The following TRDN variants were observed in gnomAD, a reference collection of about 807,000 sequenced individuals.
TRDN encodes the protein triadin, also known as triadin in skeletal muscle.
In TRDN, 161 loss-of-function variants were observed where a neutral mutation model predicts 149.7. The ratio of observed to expected loss-of-function variants is 1.08; its 90% CI spans 0.95 to 1.23. TRDN has a LOEUF of 1.23. Ranked by LOEUF, TRDN falls within the 50% of genes most tolerant of loss-of-function variation. The pLI, the probability that TRDN is intolerant of heterozygous loss-of-function variation, is 0.00. For synonymous variants in TRDN, 294 were observed against 250.5 expected (o/e 1.17, Z -1.64); for missense variants, 896 against 823.5 (o/e 1.09, Z -1.08).
chr6:123,366,578 C>T (rs6916890), intron 19 of TRDN, among the ~76,000 whole-genome samples: 18,940 of 151,866 alleles, frequency 0.12, 2,221 homozygotes, highest in East Asian at 0.6. Context: ...AATGCAGTGG[C>T]GCAATCTCGA....
chr6:123,356,967 T>A (rs1174661917), intron 20 of TRDN, among the ~76,000 whole-genome samples: 1 of 151,750 alleles, frequency 6.6e-6, no homozygotes, highest in Non-Finnish European at 1.5e-5. Context: ...GATTTCTAAA[T>A]AAATAGCTTT....
intron 12 of TRDN, among the ~76,000 whole-genome samples, chr6:123,434,506 G>A (rs1370031140): frequency 6.6e-6 from 1 of 152,080 alleles, no homozygotes; most frequent in Non-Finnish European, 1.5e-5. Flanking sequence ...CTGTTGATCT[G>A]CCCTGATGCT....
intron 12 of TRDN, among the ~76,000 whole-genome samples, chr6:123,419,264 T>A (rs538025406): frequency 6.6e-6 from 1 of 152,290 alleles, no homozygotes; most frequent in African/African-American, 2.4e-5. Flanking sequence ...GGATTTATGG[T>A]AAGTACTTGA....
chr6:123,226,618 G>C (rs141284975), intron 38 of TRDN, among the ~76,000 whole-genome samples: 1 of 151,788 alleles, frequency 6.6e-6, no homozygotes, highest in Non-Finnish European at 1.5e-5. Context: ...GAAAGTAAAC[G>C]GCAAACCTAG....
intron 2 of TRDN, among the ~76,000 whole-genome samples, chr6:123,557,146 C>T (rs563040900): frequency 2.6e-5 from 4 of 151,984 alleles, no homozygotes; most frequent in African/African-American, 9.7e-5. Context: ...ACCCCATCTC[C>T]CTTCACTGAC....
intron 24 of TRDN, among the ~76,000 whole-genome samples, chr6:123,312,825 C>T (rs992221242): frequency 6.6e-6 from 1 of 151,970 alleles, no homozygotes; most frequent in Admixed American, 6.6e-5. Flanking sequence ...TAGCTCATGT[C>T]TATGTCCCTG....
intron 28 of TRDN, 58 bp downstream of exon 28, chr6:123,273,279 A>T: frequency 9.6e-7 from 1 of 1,042,756 alleles, no homozygotes; most frequent in Non-Finnish European, 1.3e-6. Flanking sequence ...GATTTTGAAA[A>T]CGTTTCAATA....
intron 18 of TRDN, among the ~76,000 whole-genome samples, chr6:123,376,248 G>A (rs1322933557): frequency 2.6e-5 from 4 of 152,036 alleles, no homozygotes; most frequent in African/African-American, 9.7e-5. Context: ...TCTTACATGC[G>A]TAAGTGAGAA....
At chr6:123,341,606 A>T (rs1780065655) in intron 21 of TRDN, among the ~76,000 whole-genome samples, 1 of 152,050 alleles carries the variant, frequency 6.6e-6, no homozygotes, top group African/African-American at 2.4e-5. Context: ...TGACATCTGA[A>T]CAATGTTGTC....
intron 10 of TRDN, among the ~76,000 whole-genome samples, chr6:123,453,852 C>A (rs1470598771): frequency 6.6e-6 from 1 of 151,800 alleles, no homozygotes; most frequent in Non-Finnish European, 1.5e-5. Flanking sequence ...GAAACCAAAC[C>A]AAATGCCCAT....
At chr6:123,384,850 C>A (rs1781848145) in intron 14 of TRDN, among the ~76,000 whole-genome samples, 1 of 152,216 alleles carries the variant, frequency 6.6e-6, no homozygotes, top group South Asian at 2.1e-4. Flanking sequence ...CACATACTGA[C>A]CCTGAAGAGC....
At chr6:123,514,525 A>G (rs1412153831) in intron 6 of TRDN, among the ~76,000 whole-genome samples, 3 of 152,082 alleles carry the variant, frequency 2.0e-5, no homozygotes, top group African/African-American at 7.2e-5. Context: ...ACATACATGA[A>G]CTCACACATG....
chr6:123,445,199 C>A (rs956801387), intron 10 of TRDN: 1 of 151,892 alleles, frequency 6.6e-6, no homozygotes, highest in Non-Finnish European at 1.5e-5. Context: ...AATTTCAGAT[C>A]CTGTTATTGG....
chr6:123,391,995 T>C (rs1290618642), intron 13 of TRDN, among the ~76,000 whole-genome samples: 3 of 152,124 alleles, frequency 2.0e-5, no homozygotes, highest in Admixed American at 6.6e-5. Context: ...GCGAATGATA[T>C]GCAGTTCTGC....
At chr6:123,456,792 C>T (rs2114677255) in intron 10 of TRDN, 1 of 455,964 alleles carries the variant, frequency 2.2e-6, no homozygotes, top group East Asian at 7.0e-5. Context: ...AGACTGTTTA[C>T]TCCATCTATG....
intron 1 of TRDN, among the ~76,000 whole-genome samples, chr6:123,573,316 G>A (rs578174306): frequency 3.9e-5 from 6 of 152,036 alleles, no homozygotes; most frequent in Non-Finnish European, 7.4e-5. Flanking sequence ...CACATTTCCT[G>A]GTACATGGTA....
chr6:123,602,845 C>G (rs1349080814), intron 1 of TRDN, among the ~76,000 whole-genome samples: 1 of 151,984 alleles, frequency 6.6e-6, no homozygotes, highest in African/African-American at 2.4e-5. Flanking sequence ...AATCTCAAAC[C>G]AGCAACAAAG....
At chr6:123,373,628 T>G (rs1179899385) in intron 19 of TRDN, among the ~76,000 whole-genome samples, 2 of 152,188 alleles carry the variant, frequency 1.3e-5, no homozygotes, top group African/African-American at 4.8e-5. Context: ...TAATCCAGTC[T>G]TAATGACAAA....
intron 13 of TRDN, among the ~76,000 whole-genome samples, 192 bp downstream of exon 13, chr6:123,393,432 G>C (rs1020494613): frequency 2.6e-5 from 4 of 151,946 alleles, no homozygotes; most frequent in African/African-American, 9.7e-5. Flanking sequence ...TGCAAATTTG[G>C]CATTACTCTC....
Sources: allele counts gnomAD v4.1 joint callset (sites outside exome capture counted in the v4.1 genomes callset), GRCh38; gene constraint gnomAD v4.1.1; transcripts MANE v1.5; gene names NCBI Gene and HGNC (gene_info 2026-07-23, HGNC 2026-07-21).